The following HDAC4 variants were observed in gnomAD, a reference collection of about 807,000 sequenced individuals.
The protein encoded by HDAC4 is histone deacetylase 4.
HDAC4 carries 16 observed loss-of-function variants against 135.1 expected under a neutral mutation model. That is an observed-to-expected ratio of 0.12 (90% confidence interval 0.08 to 0.18). HDAC4 has a LOEUF of 0.18. HDAC4 is among the 10% of genes least tolerant of loss of function. HDAC4 has a pLI of 1.00. For missense variants in HDAC4, 1,143 were observed against 1,511.8 expected (o/e 0.76, Z 4.05); for synonymous variants, 685 against 653.4 (o/e 1.05, Z -0.74).
rs1559475526 is a variant in HDAC4, at chr2:239,124,756, G to GACATTCCGGAGTGCCGGCGTGTGGCCGCA, written c.1533+1699_1533+1700insTGCGGCCACACGCCGGCACTCCGGAATGT. Among the ~76,000 whole-genome samples the GACATTCCGGAGTGCCGGCGTGTGGCCGCA allele has an allele frequency of 1.7e-3, 182 of 105,670 alleles. 3 individuals are homozygous for GACATTCCGGAGTGCCGGCGTGTGGCCGCA. The highest frequency in any genetic ancestry group is 0.01 in the Middle Eastern group (1 of 98). 69.3% of individuals were successfully genotyped at this position (105,670 alleles called of 152,430 possible). A position where few individuals can be genotyped will look rare whatever the true frequency, so the allele number is the denominator to read the frequency against. Reference sequence around the variant, plus strand: ...GTGGCTGCGTTATATGACATTCCATGTTATGTGACATTCTGGTGTGCTGGC... The same window carrying GACATTCCGGAGTGCCGGCGTGTGGCCGCA: ...GTGGCTGCGTTATATGACATTCCATGACATTCCGGAGTGCCGGCGTGTGGCCGCATTATGTGACATTCTGGTGTGCTGGC... On this transcript the variant is annotated intron_variant, in intron 12 of 26. Transcript: ENST00000543185.
rs144025685 is a variant in HDAC4, at chr2:239,119,366, A to G, written c.1534-4056T>C. Among the ~76,000 whole-genome samples the G allele has an allele frequency of 1.6e-4, 24 of 152,340 alleles. No individual in the cohort carries two copies. In the East Asian group the frequency reaches 4.6e-3, roughly 29 times the overall value. On this transcript the variant is annotated intron_variant, in intron 12 of 26. Transcript: ENST00000543185. ...CAGCCAGGACGGGCCTTCAGGAAGC[A>G]AGAATGTCCTGGAGGCTGCAGGTGT...
chr2:239,080,952 C>G, intron 22 of HDAC4, 143 bp downstream of exon 22: 1 of 634,000 alleles, frequency 1.6e-6, no homozygotes, highest in Non-Finnish European at 2.8e-6. Flanking sequence ...GAAGAATGAA[C>G]TGAGACAGCT....
chr2:239,101,165 T>G (rs2037584918), intron 16 of HDAC4, among the ~76,000 whole-genome samples: 1 of 152,064 alleles, frequency 6.6e-6, no homozygotes, highest in South Asian at 2.1e-4. Context: ...TTCACTCCCT[T>G]CTCACTTTCC....
chr2:239,111,840 C>T (rs947357215), intron 13 of HDAC4, 128 bp from the exon 14 acceptor site: 22 of 876,582 alleles, frequency 2.5e-5, no homozygotes, highest in Middle Eastern at 6.6e-4. Context: ...ACAAGGATGC[C>T]GGGAGGCCAG....
intron 6 of HDAC4, among the ~76,000 whole-genome samples, chr2:239,159,801 C>G (rs372055274): frequency 9.2e-5 from 14 of 152,240 alleles, no homozygotes; most frequent in African/African-American, 3.1e-4. Flanking sequence ...AATTATCTTC[C>G]GATTTTTCAA....
rs181043618 is a variant in HDAC4, at chr2:239,394,459, C to A, written c.-220+6519G>T. The stretch of plus-strand genomic sequence containing the variant: ...CCTCCTCACACGCCGGGGCCCTGGG[C>A]GAAGCGGCTGGAGAACAAGCTGCAC... On this transcript the variant is annotated intron_variant, in intron 1 of 26. Coordinates refer to ENST00000543185, the MANE Select transcript of HDAC4 (RefSeq NM_001378414.1). Among the ~76,000 whole-genome samples the A allele has an allele frequency of 3.9e-5, 6 of 152,218 alleles. 1 individual carries two copies. The highest frequency in any genetic ancestry group is 4.1e-4 in the South Asian group (2 of 4,828).
chr2:239,077,741 A>G (rs2034910689), intron 22 of HDAC4, among the ~76,000 whole-genome samples: 1 of 152,220 alleles, frequency 6.6e-6, no homozygotes, highest in Non-Finnish European at 1.5e-5. Context: ...CCACTCAGCA[A>G]TGGTGAAAAC....
At chr2:239,222,311 C>T (rs2047001633) in intron 3 of HDAC4, among the ~76,000 whole-genome samples, 1 of 152,178 alleles carries the variant, frequency 6.6e-6, no homozygotes, top group Admixed American at 6.5e-5. Context: ...TCCCTGCTCC[C>T]TATTTCAGAA....
At chr2:239,187,649 G>A (rs931467502) in intron 4 of HDAC4, among the ~76,000 whole-genome samples, 6 of 152,212 alleles carry the variant, frequency 3.9e-5, no homozygotes, top group Admixed American at 2.6e-4. Flanking sequence ...CCACTGCACC[G>A]AGTGGTGCCA....
intron 6 of HDAC4, among the ~76,000 whole-genome samples, chr2:239,163,458 T>C (rs2042938678): frequency 6.6e-6 from 1 of 152,010 alleles, no homozygotes; most frequent in Non-Finnish European, 1.5e-5. Context: ...CACGTCACTC[T>C]GGAGGGGGGC....
At position 239,352,529 on chromosome 2, in the gene HDAC4, T is replaced by G; in HGVS notation, c.22+149A>C. The G allele has an allele frequency of 1.4e-6, 1 of 734,284 alleles. No individual in the cohort carries two copies. The highest frequency in any genetic ancestry group is 2.4e-6 in the Non-Finnish European group (1 of 416,032). The allele number at this position is 734,284 out of a possible 1,614,324, so 45.5% of individuals were successfully genotyped here. On this transcript the variant is annotated intron_variant, in intron 2 of 26. Coordinates refer to ENST00000543185, the MANE Select transcript of HDAC4 (RefSeq NM_001378414.1). The surrounding 1 kb of genome is among the most constrained non-coding windows in gnomAD (Gnocchi z 4.4). ...AAGAGGAAGAATAAACCATCCATTTTGCACTTTGTGCTGTCAAAAACCAAC... is the reference window on the plus strand; with the variant it reads ...AAGAGGAAGAATAAACCATCCATTTGGCACTTTGTGCTGTCAAAAACCAAC...
chr2:239,178,191 C>G (rs1040035794), intron 4 of HDAC4, among the ~76,000 whole-genome samples: 1 of 152,226 alleles, frequency 6.6e-6, no homozygotes, highest in Non-Finnish European at 1.5e-5. Context: ...TCTCTGCCAC[C>G]CTCTGTGGCC....
chr2:239,398,925 GCTT>G (rs1696748024), intron 1 of HDAC4, among the ~76,000 whole-genome samples: 1 of 152,216 alleles, frequency 6.6e-6, no homozygotes, highest in African/African-American at 2.4e-5. Flanking sequence ...AGTACAGCCG[GCTT>G]CTTTTCTAAT....
At chr2:239,105,756 C>G (rs2038070451) in intron 15 of HDAC4, among the ~76,000 whole-genome samples, 1 of 152,180 alleles carries the variant, frequency 6.6e-6, no homozygotes, top group African/African-American at 2.4e-5. Flanking sequence ...GTCACAGCCC[C>G]ATCCACCCCA....
At chr2:239,288,566 T>A (rs1374729296) in intron 2 of HDAC4, among the ~76,000 whole-genome samples, 2 of 151,792 alleles carry the variant, frequency 1.3e-5, no homozygotes, top group East Asian at 1.9e-4. Flanking sequence ...CAGAAAAAAA[T>A]TTTTAGAAAT....
chr2:239,189,871 AGAGCTGCTCG>A lies in HDAC4; in HGVS notation c.291_300del (p.Glu98ProfsTer21), dbSNP rs2044801589. Reference sequence around the variant, plus strand: ...TGGAGCTGCGCCTCGTGCTGCCGGGAGAGCTGCTCGTGCTGCCTCTGGAACTCAGCGATGA... The same window carrying A: ...TGGAGCTGCGCCTCGTGCTGCCGGGATGCTGCCTCTGGAACTCAGCGATGA... On this transcript the variant is annotated frameshift_variant, in exon 4 of 27. Coordinates refer to ENST00000543185, the MANE Select transcript of HDAC4 (RefSeq NM_001378414.1). LOFTEE classifies it high-confidence loss of function. The A allele has an allele frequency of 6.2e-7, 1 of 1,609,752 alleles. No individual in the cohort carries two copies. Among genetic ancestry groups the A allele is most frequent in the African/African-American group, 1.3e-5 (1 of 74,824 alleles).
chr2:239,274,011 G>A (rs943115562), intron 2 of HDAC4, among the ~76,000 whole-genome samples: 2 of 152,222 alleles, frequency 1.3e-5, no homozygotes, highest in East Asian at 1.9e-4. Flanking sequence ...GAAGACACCT[G>A]CATGACGGTA....
chr2:239,387,387 CG>C (rs1695888225), intron 1 of HDAC4, among the ~76,000 whole-genome samples: 2 of 152,220 alleles, frequency 1.3e-5, no homozygotes, highest in African/African-American at 4.8e-5. Context: ...ACCACAGGGC[CG>C]GCCGCCACCA....
At chr2:239,292,691 G>A (rs1195115348) in intron 2 of HDAC4, among the ~76,000 whole-genome samples, 2 of 152,064 alleles carry the variant, frequency 1.3e-5, no homozygotes, top group East Asian at 3.8e-4. Context: ...GACTAAGGCG[G>A]GAGGCTGGGT....
Sources: gnomAD v4.1 joint callset for allele counts (sites outside exome capture counted in the v4.1 genomes callset) on GRCh38, gnomAD v4.1.1 for gene constraint, Gnocchi (gnomAD v3.1) non-coding constraint, MANE v1.5 for transcripts, NCBI Gene and HGNC (gene_info 2026-07-23, HGNC 2026-07-21) for gene names.